The following GAREM2 variants were observed in gnomAD, a reference collection of about 807,000 sequenced individuals.
GAREM2 encodes GRB2 associated regulator of MAPK1 subtype 2, also known as GRB2-associated and regulator of MAPK protein 2.
In GAREM2, 30 loss-of-function variants were observed where a neutral mutation model predicts 55.6. The observed-to-expected ratio is 0.54, with a 90% CI of 0.40 to 0.73. The LOEUF (loss-of-function observed/expected upper bound fraction) is 0.73. GAREM2 is among the 30% of genes least tolerant of loss of function. The pLI is 0.00. For missense variants in GAREM2, 1,075 were observed against 1,257.7 expected (o/e 0.85, Z 2.20); for synonymous variants, 550 against 569.1 (o/e 0.97, Z 0.48).
chr2:26,184,040 G>A (rs1669138705), intron 3 of GAREM2, among the ~76,000 whole-genome samples, 193 bp from the exon 4 acceptor site: 1 of 152,270 alleles, frequency 6.6e-6, no homozygotes, highest in African/African-American at 2.4e-5. Flanking sequence ...GGCGTGGAGG[G>A]GCAACTCATT....
the GAREM2 span, among the ~76,000 whole-genome samples, chr2:26,203,526 T>C: frequency 1.3e-5 from 2 of 152,292 alleles, no homozygotes; most frequent in East Asian, 1.9e-4. Context: ...CCCCAGACAC[T>C]GTGGAGGGAT....
chr2:26,184,612 G>A lies in GAREM2; in HGVS notation c.764G>A (p.Arg255His). Reference sequence around the variant, plus strand: ...ATGCAAGAGGGCGAGCACACGGTGCGCGCCATCATCGAGCGCGTGAGGCTG... The same window carrying A: ...ATGCAAGAGGGCGAGCACACGGTGCACGCCATCATCGAGCGCGTGAGGCTG... Reference protein sequence around the residue: ...LQMQEGEHTVRAIIERVRLPV... With the variant: ...LQMQEGEHTVHAIIERVRLPV... Residue 255 changes from arginine (R) to histidine (H), a missense_variant, in exon 4 of 6, where the codon CGC (arginine) becomes CAC (histidine). By Grantham distance (29) the Arg-to-His change is conservative (BLOSUM62 0). This residue lies in a region of GAREM2 where 170 missense variants were observed against 220.7 expected (regional missense o/e 0.77). Transcript: ENST00000401533. 6.5e-7 allele frequency: 1 copy of A among 1,548,446 alleles called. No individual in the cohort carries two copies. Among genetic ancestry groups the A allele is most frequent in the Non-Finnish European group, 8.7e-7 (1 of 1,146,136 alleles).
chr2:26,184,381 T>TGGGCC lies in GAREM2; in HGVS notation c.542_546dup (p.Ala183ProfsTer39), dbSNP rs1669150251. ...CGCTTCACCACCCTCCTGCGAAAGC[T>TGGGCC]GGGCCGGGCCGGGGCGCTGGCCGGG... is the stretch of plus-strand genomic sequence containing the variant. On this transcript the variant is annotated frameshift_variant, in exon 4 of 6. Transcript: ENST00000401533. LOFTEE classifies it high-confidence loss of function. 13 of 1,539,440 alleles carry TGGGCC rather than the reference T, an allele frequency of 8.4e-6. No individual in the cohort carries two copies. Among genetic ancestry groups the TGGGCC allele is most frequent in the Non-Finnish European group, 7.9e-6 (9 of 1,141,074 alleles).
chr2:26,194,777 C>G, the GAREM2 span: 1 of 732,050 alleles, frequency 1.4e-6, no homozygotes, highest in Non-Finnish European at 2.5e-6. Flanking sequence ...CAATCAGAAT[C>G]CTTAAAAATG....
chr2:26,193,678 ACATCCACACCAACTTCAT>A (rs1669578014), downstream of GAREM2: 1 of 1,613,924 alleles, frequency 6.2e-7, no homozygotes. Flanking sequence ...ATGTTTCGCT[ACATCCACACCAACTTCAT>A]CCACCAGTGT....
downstream of GAREM2, chr2:26,194,516 A>G: frequency 9.5e-7 from 1 of 1,047,144 alleles, no homozygotes. Context: ...CATGAGTTTT[A>G]GAGTGACTGA....
Position 26,187,757 on chromosome 2 carries a change from G to A in GAREM2, c.2125G>A (p.Gly709Ser), listed in dbSNP as rs574933561. 77 of 1,450,036 alleles carry A rather than the reference G, an allele frequency of 5.3e-5. No homozygotes were observed. In the East Asian group the frequency reaches 1.5e-3, roughly 28 times the overall value. 89.8% of individuals were successfully genotyped at this position (1,450,036 alleles called of 1,614,324 possible). A position where few individuals can be genotyped will look rare whatever the true frequency, so the allele number is the denominator to read the frequency against. ...EPFDPFELGQ[G>S]SSPEPELLRS... ...CTTCGATCCCTTTGAGCTGGGGCAGGGCAGTTCTCCAGAGCCTGAGCTGCT... is the reference window on the plus strand; with the variant it reads ...CTTCGATCCCTTTGAGCTGGGGCAGAGCAGTTCTCCAGAGCCTGAGCTGCT... The change falls in exon 6 of 6, where the codon GGC (glycine) becomes AGC (serine). Residue 709 changes from glycine to serine, a missense_variant. Around this residue, in one of 6 missense-constraint regions of GAREM2, gnomAD observed 515 missense variants for 501.5 expected, o/e 1.03. Coordinates refer to ENST00000401533, the MANE Select transcript of GAREM2 (RefSeq NM_001168241.2).
At chr2:26,178,908 A>G (rs13032579) in intron 2 of GAREM2, among the ~76,000 whole-genome samples, 730 of 21,284 alleles carry the variant, frequency 0.034, 6 homozygotes, top group African/African-American at 0.047. Flanking sequence ...AGGCGGAGGC[A>G]GAGGCCCCTA....
At chr2:26,202,378 C>T in the GAREM2 span, among the ~76,000 whole-genome samples, 1 of 152,046 alleles carries the variant, frequency 6.6e-6, no homozygotes, top group Admixed American at 6.6e-5. Flanking sequence ...GAAGCTAAAC[C>T]CCATTCACTA....
downstream of GAREM2, chr2:26,191,477 A>AC: frequency 1.2e-6 from 2 of 1,614,144 alleles, no homozygotes; most frequent in Non-Finnish European, 1.7e-6. Context: ...AACCTGCGAG[A>AC]CCAACCTCCC....
downstream of GAREM2, chr2:26,193,646 CTT>C (rs1553312033): frequency 6.2e-7 from 1 of 1,614,178 alleles, no homozygotes. Flanking sequence ...TCCCCAAAGA[CTT>C]TGCCCAGATC....
chr2:26,183,948 G>A (rs941627492), intron 3 of GAREM2, among the ~76,000 whole-genome samples: 3 of 152,264 alleles, frequency 2.0e-5, no homozygotes, highest in African/African-American at 4.8e-5. Context: ...TAGTGGGGAA[G>A]AAAAGAAAAA....
At chr2:26,177,832 G>A (rs1354312320) in intron 2 of GAREM2, among the ~76,000 whole-genome samples, 1 of 152,150 alleles carries the variant, frequency 6.6e-6, no homozygotes, top group Non-Finnish European at 1.5e-5. Context: ...TCACCATGTT[G>A]GCCAGGCTGG....
chr2:26,204,056 G>C, the GAREM2 span: 1 of 1,613,468 alleles, frequency 6.2e-7, no homozygotes, highest in Non-Finnish European at 8.5e-7. Flanking sequence ...GAGAGAGCAG[G>C]CTTACCCTTT....
In GAREM2 at chr2:26,185,071, A is replaced by G; in HGVS notation, c.1223A>G (p.Glu408Gly). 1 of 1,338,808 alleles carries G rather than the reference A, an allele frequency of 7.5e-7. No individual in the cohort carries two copies. The highest frequency in any genetic ancestry group is 9.5e-7 in the Non-Finnish European group (1 of 1,048,888). 82.9% of individuals were successfully genotyped at this position (1,338,808 alleles called of 1,614,324 possible). The change falls in exon 4 of 6, where the codon GAG (glutamate) becomes GGG (glycine). Residue 408 changes from glutamate to glycine, a missense_variant. By Grantham distance (98) the Glu-to-Gly change is moderately conservative (BLOSUM62 -2). Around this residue, in one of 6 missense-constraint regions of GAREM2, gnomAD observed 515 missense variants for 501.5 expected, o/e 1.03. Transcript: ENST00000401533. Reference sequence around the variant, plus strand: ...GCTCCCGCCGGCGAGGGCGACCAGGAGTACGTGAGCCCCGACTGGGCAGCC... The same window carrying G: ...GCTCCCGCCGGCGAGGGCGACCAGGGGTACGTGAGCCCCGACTGGGCAGCC... ...APAPAGEGDQ[E>G]YVSPDWAAAP...
At position 26,187,697 on chromosome 2, in the gene GAREM2, T is replaced by C; in HGVS notation, c.2065T>C (p.Ser689Pro). Residue 689 changes from serine to proline, a missense_variant, in exon 6 of 6, where the codon TCT becomes CCT. Around this residue, in one of 6 missense-constraint regions of GAREM2, gnomAD observed 515 missense variants for 501.5 expected, o/e 1.03. Coordinates refer to ENST00000401533, the MANE Select transcript of GAREM2 (RefSeq NM_001168241.2). ...PPSSCAPSSS[S>P]SSEWQEPVLE... The stretch of plus-strand genomic sequence containing the variant: ...CTCCTCCTGCGCCCCCTCCTCCTCC[T>C]CTTCTTCTGAATGGCAGGAACCAGT... 1 of 1,487,824 alleles carries C rather than the reference T, an allele frequency of 6.7e-7. No homozygotes were observed. Among genetic ancestry groups the C allele is most frequent in the Non-Finnish European group, 9.0e-7 (1 of 1,115,378 alleles). The allele number at this position is 1,487,824 out of a possible 1,614,324, so 92.2% of individuals were successfully genotyped here.
At chr2:26,186,889 C>T (rs1574595226) in intron 5 of GAREM2, among the ~76,000 whole-genome samples, 4 of 152,190 alleles carry the variant, frequency 2.6e-5, no homozygotes, top group Admixed American at 2.0e-4. Context: ...GCAGGAGAAT[C>T]GCTTGAACCC....
Position 26,182,464 on chromosome 2 carries a change from C to T in GAREM2, c.254-503C>T, listed in dbSNP as rs536383103. ...TGCCACCTCCATGCGGATCAGCAGC[C>T]CAGGGCGATGCACAGGATGCCAGAT... On this transcript the variant is annotated intron_variant, in intron 2 of 5. Transcript: ENST00000401533. The T allele has an allele frequency of 1.7e-5, 26 of 1,550,528 alleles. No individual in the cohort carries two copies. In the South Asian group the frequency reaches 3.0e-4, roughly 18 times the overall value.
rs1669175198 is a variant in GAREM2, at chr2:26,184,799, GCTCACGGACACGCCGCGCTT to G, written c.953_972del (p.Leu318ArgfsTer243). The stretch of plus-strand genomic sequence containing the variant: ...GCCCGGCGCCGCTGCACTTCCTGCT[GCTCACGGACACGCCGCGCTT>G]CGCGCTGCCGCAGGGCCTGCTGGCC... On this transcript the variant is annotated frameshift_variant, in exon 4 of 6. Coordinates refer to ENST00000401533, the MANE Select transcript of GAREM2 (RefSeq NM_001168241.2). LOFTEE classifies it high-confidence loss of function. 5.4e-6 allele frequency: 8 copies of G among 1,494,538 alleles called. No homozygotes were observed. The highest frequency in any genetic ancestry group is 7.1e-6 in the Non-Finnish European group (8 of 1,129,690). The allele number at this position is 1,494,538 out of a possible 1,614,324, so 92.6% of individuals were successfully genotyped here.
Sources: allele counts gnomAD v4.1 joint callset (sites outside exome capture counted in the v4.1 genomes callset), GRCh38; gene constraint gnomAD v4.1.1; regional missense constraint gnomAD v4.1.1; transcripts MANE v1.5; gene names NCBI Gene and HGNC (gene_info 2026-07-23, HGNC 2026-07-21).